GRIK3: variants seen among roughly 807,000 people sequenced by gnomAD.
GRIK3 encodes the protein glutamate ionotropic receptor kainate type subunit 3, also known as glutamate receptor ionotropic, kainate 3.
Under a neutral mutation model 102.5 loss-of-function variants are expected in GRIK3, and 29 were observed. The observed-to-expected ratio is 0.28, with a 90% CI of 0.21 to 0.39. GRIK3 has a LOEUF of 0.39. Ranked by LOEUF, GRIK3 falls within the 10% of genes least tolerant of loss-of-function variation. The pLI is 1.00. For synonymous variants in GRIK3, 511 were observed against 504.9 expected (o/e 1.01, Z -0.16); for missense variants, 908 against 1,252.4 (o/e 0.73, Z 4.15).
At chr1:36,873,969 C>T (rs1570773209) in intron 3 of GRIK3, among the ~76,000 whole-genome samples, 1 of 152,294 alleles carries the variant, frequency 6.6e-6, no homozygotes, top group East Asian at 1.9e-4. Flanking sequence ...GCAAAGAAGT[C>T]CTAATGATCT....
chr1:36,926,395 C>CTT (rs779485549), intron 1 of GRIK3, among the ~76,000 whole-genome samples: 7 of 144,818 alleles, frequency 4.8e-5, no homozygotes, highest in African/African-American at 1.5e-4. Context: ...CTACGCCCCA[C>CTT]TTTTTTTTTT....
chr1:36,888,615 C>G (rs138695654), intron 2 of GRIK3, among the ~76,000 whole-genome samples: 22 of 152,302 alleles, frequency 1.4e-4, no homozygotes, highest in African/African-American at 5.1e-4. Flanking sequence ...GTCACAGGAA[C>G]CAGCCACCTC....
intron 4 of GRIK3, among the ~76,000 whole-genome samples, chr1:36,871,864 T>C (rs544423385): frequency 6.6e-6 from 1 of 152,296 alleles, no homozygotes; most frequent in South Asian, 2.1e-4. Flanking sequence ...TGGCTGTGGG[T>C]ACCTCCCGGC....
Position 36,798,565 on chromosome 1 carries a change from G to C in GRIK3, c.*3286C>G, listed in dbSNP as rs564197507. Reference sequence around the variant, plus strand: ...CTAAACTTAAAAAAACACAAGATCTGCCTCACTGAAAACACCTCCCCACTC... The same window carrying C: ...CTAAACTTAAAAAAACACAAGATCTCCCTCACTGAAAACACCTCCCCACTC... On this transcript the variant is annotated 3_prime_UTR_variant, in exon 16 of 16. Coordinates refer to ENST00000373091, the MANE Select transcript of GRIK3 (RefSeq NM_000831.4). The C allele has an allele frequency of 6.6e-6, 1 of 152,420 alleles. No individual in the cohort carries two copies. The highest frequency in any genetic ancestry group is 2.4e-5 in the African/African-American group (1 of 41,570). 9.4% of individuals were successfully genotyped at this position (152,420 alleles called of 1,614,324 possible).
At chr1:36,978,914 G>A (rs934572539) in intron 1 of GRIK3, among the ~76,000 whole-genome samples, 3 of 152,164 alleles carry the variant, frequency 2.0e-5, no homozygotes, top group Non-Finnish European at 4.4e-5. Flanking sequence ...GATAGCAGAT[G>A]GTAGTCATGT....
At chr1:36,956,792 A>C (rs1215233324) in intron 1 of GRIK3, among the ~76,000 whole-genome samples, 1 of 152,216 alleles carries the variant, frequency 6.6e-6, no homozygotes, top group Non-Finnish European at 1.5e-5. Flanking sequence ...CATGGTACTT[A>C]CTGTTCTATT....
At chr1:36,987,666 T>C (rs550766066) in intron 1 of GRIK3, among the ~76,000 whole-genome samples, 6 of 152,104 alleles carry the variant, frequency 3.9e-5, no homozygotes, top group Non-Finnish European at 8.8e-5. Flanking sequence ...CATGGACTCT[T>C]GGGTGCTTGC....
At chr1:36,816,360 G>A (rs927210667) in intron 13 of GRIK3, among the ~76,000 whole-genome samples, 1 of 152,146 alleles carries the variant, frequency 6.6e-6, no homozygotes, top group Non-Finnish European at 1.5e-5. Flanking sequence ...TTTAATTTCT[G>A]GGAGAACCTT....
At position 36,800,846 on chromosome 1, in the gene GRIK3, G is replaced by A. The variant is rs1323470974; in HGVS notation, c.*1005C>T. 6.6e-6 allele frequency: 1 copy of A among 152,190 alleles called. No homozygotes were observed. 9.4% of individuals were successfully genotyped at this position (152,190 alleles called of 1,614,324 possible). A position where few individuals can be genotyped will look rare whatever the true frequency, so the allele number is the denominator to read the frequency against. On this transcript the variant is annotated 3_prime_UTR_variant, in exon 16 of 16. Coordinates refer to ENST00000373091, the MANE Select transcript of GRIK3 (RefSeq NM_000831.4). ...TTTCAAAAAGACAGAGTGAGGCCAA[G>A]GTCAACCAGCCAGGAATGGGGAGTT...
chr1:36,917,755 T>A (rs1641418775), intron 1 of GRIK3, among the ~76,000 whole-genome samples: 1 of 152,266 alleles, frequency 6.6e-6, no homozygotes, highest in Non-Finnish European at 1.5e-5. Flanking sequence ...TATGTTTTTA[T>A]CAGCAGCTTG....
intron 1 of GRIK3, among the ~76,000 whole-genome samples, chr1:36,960,434 C>T (rs965537285): frequency 3.9e-5 from 6 of 152,192 alleles, no homozygotes; most frequent in Non-Finnish European, 7.3e-5. Flanking sequence ...CCTGTACTTA[C>T]TCAATAAACA....
At chr1:36,928,155 C>T (rs981616102) in intron 1 of GRIK3, among the ~76,000 whole-genome samples, 4 of 152,024 alleles carry the variant, frequency 2.6e-5, no homozygotes, top group Admixed American at 6.5e-5. Flanking sequence ...TTTGAGGTAG[C>T]CACTAACTTG....
intron 1 of GRIK3, among the ~76,000 whole-genome samples, chr1:36,892,297 A>T (rs918606371): frequency 6.6e-6 from 1 of 152,176 alleles, no homozygotes; most frequent in Non-Finnish European, 1.5e-5. Flanking sequence ...TGCTGGGATT[A>T]CAGGTGTGAG....
At chr1:36,950,746 C>T (rs538049507) in intron 1 of GRIK3, among the ~76,000 whole-genome samples, 81 of 152,370 alleles carry the variant, frequency 5.3e-4, no homozygotes, top group Non-Finnish European at 1.0e-3. Flanking sequence ...TTGTTGAGAA[C>T]TTGATGTTTT....
chr1:36,857,026 A>T (rs887856992), intron 7 of GRIK3, among the ~76,000 whole-genome samples: 21 of 152,208 alleles, frequency 1.4e-4, no homozygotes, highest in Non-Finnish European at 2.8e-4. Context: ...GCCAAAACTC[A>T]CCAATCCTCA....
chr1:36,805,956 A>AG, intron 14 of GRIK3, 148 bp downstream of exon 14: 1 of 546,044 alleles, frequency 1.8e-6, no homozygotes, highest in South Asian at 2.8e-5. Flanking sequence ...AAAAAAAAAA[A>AG]AAAAAGAAAA....
At chr1:36,808,377 T>G (rs1642523744) in intron 13 of GRIK3, among the ~76,000 whole-genome samples, 1 of 152,228 alleles carries the variant, frequency 6.6e-6, no homozygotes. Context: ...GTGACTTGCT[T>G]TTAACTCTCC....
chr1:36,938,542 G>T (rs1356535638), intron 1 of GRIK3, among the ~76,000 whole-genome samples: 1 of 152,188 alleles, frequency 6.6e-6, no homozygotes, highest in Non-Finnish European at 1.5e-5. Context: ...GACTCTAAAA[G>T]ATCTCCCTGC....
chr1:36,964,274 G>T (rs1204915909), intron 1 of GRIK3, among the ~76,000 whole-genome samples: 1 of 152,198 alleles, frequency 6.6e-6, no homozygotes, highest in Non-Finnish European at 1.5e-5. Flanking sequence ...GAGGGTTCAG[G>T]ATTTCTCAGA....
Sources: gnomAD v4.1 joint callset for allele counts (sites outside exome capture counted in the v4.1 genomes callset) on GRCh38, gnomAD v4.1.1 for gene constraint, MANE v1.5 for transcripts, NCBI Gene and HGNC (gene_info 2026-07-23, HGNC 2026-07-21) for gene names.